CD34: variants seen among roughly 807,000 people sequenced by gnomAD.
CD34 encodes the protein CD34 molecule.
CD34 carries 34 observed loss-of-function variants against 40.1 expected under a neutral mutation model. That is an observed-to-expected ratio of 0.85 (90% CI 0.65 to 1.13). The LOEUF is 1.13. CD34 is among the 50% of genes most tolerant of loss of function. The pLI, the probability that CD34 is intolerant of heterozygous loss-of-function variation, is 0.00. For synonymous variants in CD34, 209 were observed against 190.0 expected (o/e 1.10, Z -0.82); for missense variants, 426 against 466.9 (o/e 0.91, Z 0.81).
At chr1:207,896,835 A>C (rs1370837501) in intron 4 of CD34, among the ~76,000 whole-genome samples, 2 of 152,192 alleles carry the variant, frequency 1.3e-5, no homozygotes, top group East Asian at 3.8e-4. Context: ...TAGTAAAAAC[A>C]TACAATAATT....
At chr1:207,908,359 T>C (rs1662429327) in intron 1 of CD34, among the ~76,000 whole-genome samples, 1 of 152,252 alleles carries the variant, frequency 6.6e-6, no homozygotes, top group African/African-American at 2.4e-5. Flanking sequence ...GGTCTACAAG[T>C]GCGGAGCACT....
At chr1:207,898,888 G>A (rs1662205417) in intron 3 of CD34, 85 bp downstream of exon 3, 1 of 1,406,112 alleles carries the variant, frequency 7.1e-7, no homozygotes, top group South Asian at 1.3e-5. Context: ...GCAGGGATGA[G>A]GAGAGGGGTG....
At chr1:207,897,192 A>C (rs964591230) in intron 4 of CD34, among the ~76,000 whole-genome samples, 1 of 152,212 alleles carries the variant, frequency 6.6e-6, no homozygotes, top group Non-Finnish European at 1.5e-5. Context: ...CAGATTTAAA[A>C]GTACTACAGA....
intron 2 of CD34, 56 bp downstream of exon 2, chr1:207,899,765 C>T (rs1662235741): frequency 3.3e-6 from 5 of 1,497,384 alleles, no homozygotes. Flanking sequence ...ATCCTAAATG[C>T]TTTACCCAAG....
At chr1:207,891,245 T>G (rs1662028047) in intron 4 of CD34, among the ~76,000 whole-genome samples, 1 of 152,156 alleles carries the variant, frequency 6.6e-6, no homozygotes, top group Non-Finnish European at 1.5e-5. Context: ...GCCCTGAATA[T>G]AGGACACTGC....
Position 207,884,001 on chromosome 1 carries a change from A to G in CD34, c.*3737T>C, listed in dbSNP as rs1661854066. The G allele has an allele frequency of 6.6e-6, 1 of 152,174 alleles. No individual in the cohort carries two copies. The highest frequency in any genetic ancestry group is 1.5e-5 in the Non-Finnish European group (1 of 68,072). 9.4% of individuals were successfully genotyped at this position (152,174 alleles called of 1,614,324 possible). On this transcript the variant is annotated 3_prime_UTR_variant, in exon 8 of 8. Coordinates refer to ENST00000310833, the MANE Select transcript of CD34 (RefSeq NM_001025109.2). ...CTCAAAACCCTCCAGTGGCTTCCCA[A>G]TCTACAACTAAAAAGGCCCCATGTA...
intron 1 of CD34, among the ~76,000 whole-genome samples, chr1:207,907,213 A>G (rs533668831): frequency 6.6e-6 from 1 of 152,266 alleles, no homozygotes; most frequent in African/African-American, 2.4e-5. Context: ...ATTAGACATT[A>G]CTGTGCTAAT....
At chr1:207,893,247 A>T (rs1662072518) in intron 4 of CD34, among the ~76,000 whole-genome samples, 1 of 152,122 alleles carries the variant, frequency 6.6e-6, no homozygotes, top group Non-Finnish European at 1.5e-5. Context: ...AACTTTGCAA[A>T]GACTCTTAAC....
Position 207,911,123 on chromosome 1 carries a change from A to C in CD34, c.-43T>G. ...TAGAGAGACGCACCGAGTGGAAGAC[A>C]CTACTCGGCTTGGCCAGGACGCGCT... On this transcript the variant is annotated 5_prime_UTR_variant, in exon 1 of 8. Coordinates refer to ENST00000310833, the MANE Select transcript of CD34 (RefSeq NM_001025109.2). 2.0e-6 allele frequency: 3 copies of C among 1,517,606 alleles called. No individual in the cohort carries two copies. Among genetic ancestry groups the C allele is most frequent in the Non-Finnish European group, 2.7e-6 (3 of 1,129,326 alleles). The allele number at this position is 1,517,606 out of a possible 1,614,324, so 94.0% of individuals were successfully genotyped here.
intron 4 of CD34, among the ~76,000 whole-genome samples, chr1:207,892,327 C>T (rs888646814): frequency 2.0e-5 from 3 of 152,074 alleles, no homozygotes; most frequent in African/African-American, 7.2e-5. Context: ...CCTGTAATCC[C>T]AGCACTTTGG....
intron 4 of CD34, among the ~76,000 whole-genome samples, 197 bp downstream of exon 4, chr1:207,897,296 A>G (rs1236763841): frequency 1.3e-5 from 2 of 152,140 alleles, no homozygotes; most frequent in Non-Finnish European, 2.9e-5. Context: ...TAAAATTGTT[A>G]TTGTCTTTTT....
intron 4 of CD34, among the ~76,000 whole-genome samples, chr1:207,897,285 T>C (rs1325276716): frequency 2.6e-5 from 4 of 152,142 alleles, no homozygotes; most frequent in Non-Finnish European, 5.9e-5. Flanking sequence ...TTATTAATAA[T>C]TAAAATTGTT....
At chr1:207,894,389 T>G (rs1662107904) in intron 4 of CD34, among the ~76,000 whole-genome samples, 1 of 152,124 alleles carries the variant, frequency 6.6e-6, no homozygotes, top group Non-Finnish European at 1.5e-5. Context: ...GTTGCCAGGG[T>G]CTGGGGAGAG....
At chr1:207,889,075 G>T in intron 6 of CD34, 86 bp downstream of exon 6, 2 of 952,658 alleles carry the variant, frequency 2.1e-6, no homozygotes, top group South Asian at 2.6e-5. Flanking sequence ...AGGTAGAACT[G>T]GGGAAGATAA....
chr1:207,900,996 C>CTTTTTT lies in CD34; in HGVS notation c.80-999_80-994dup, dbSNP rs34109724. 3.0e-5 allele frequency among the ~76,000 whole-genome samples: 4 copies of CTTTTTT among 134,744 alleles called. 1 individual carries two copies. Among genetic ancestry groups the CTTTTTT allele is most frequent in the African/African-American group, 5.6e-5 (2 of 35,894 alleles). The allele number at this position is 134,744 out of a possible 152,430, so 88.4% of individuals were successfully genotyped here. A position where few individuals can be genotyped will look rare whatever the true frequency, so the allele number is the denominator to read the frequency against. ...TCTTCTGTATATCCTGGGATACATA[C>CTTTTTT]TTTTTTTTTTTTTTTTTTAAGACAG... On this transcript the variant is annotated intron_variant, in intron 1 of 7. Coordinates refer to ENST00000310833, the MANE Select transcript of CD34 (RefSeq NM_001025109.2).
rs1234592236 is a variant in CD34 at position 207,911,101 on chromosome 1, A to G, written c.-21T>C. On this transcript the variant is annotated 5_prime_UTR_variant, in exon 1 of 8. Transcript: ENST00000310833. The stretch of plus-strand genomic sequence containing the variant: ...AGCATCCTTCCCGCGCGGCTCCTAG[A>G]GAGACGCACCGAGTGGAAGACACTA... 3 of 1,560,438 alleles carry G rather than the reference A, an allele frequency of 1.9e-6. No homozygotes were observed. Among genetic ancestry groups the G allele is most frequent in the Admixed American group, 1.9e-5 (1 of 53,880 alleles).
chr1:207,895,351 C>T (rs1253787767), intron 4 of CD34, among the ~76,000 whole-genome samples: 1 of 152,118 alleles, frequency 6.6e-6, no homozygotes, highest in Non-Finnish European at 1.5e-5. Context: ...GAGGAGCCCT[C>T]AGGAAGAAAG....
intron 1 of CD34, among the ~76,000 whole-genome samples, chr1:207,909,204 G>A (rs1422654651): frequency 6.6e-6 from 1 of 152,072 alleles, no homozygotes; most frequent in African/African-American, 2.4e-5. Context: ...CCAAAGTTTT[G>A]CCAAGGTTGT....
Position 207,889,471 on chromosome 1 carries a change from T to C in CD34, c.748A>G (p.Arg250Gly), listed in dbSNP as rs769096453. ...PQCLLLVLANRTEISSKLQLM... is the reference protein window; with the variant it reads ...PQCLLLVLANGTEISSKLQLM... ...AGGCAGAGGTGCACCTTACCTGTTC[T>C]GTTGGCCAAGACCAGCAGTAGACAC... The change falls in exon 5 of 8, where the codon AGA becomes GGA. Residue 250 changes from arginine to glycine, a missense_variant. Coordinates refer to ENST00000310833, the MANE Select transcript of CD34 (RefSeq NM_001025109.2). The C allele has an allele frequency of 6.2e-7, 1 of 1,612,108 alleles. No homozygotes were observed. The highest frequency in any genetic ancestry group is 1.7e-5 in the Admixed American group (1 of 59,830).
Sources: allele counts gnomAD v4.1 joint callset (sites outside exome capture counted in the v4.1 genomes callset), GRCh38; gene constraint gnomAD v4.1.1; transcripts MANE v1.5; gene names NCBI Gene and HGNC (gene_info 2026-07-23, HGNC 2026-07-21).